The following CNTNAP2 variants were observed in gnomAD, a reference collection of about 807,000 sequenced individuals.
CNTNAP2 encodes the protein contactin-associated protein-like 2.
In CNTNAP2, 98 loss-of-function variants were observed where a neutral mutation model predicts 155.2. That is an observed-to-expected ratio of 0.63 (90% CI 0.54 to 0.75). CNTNAP2 has a LOEUF of 0.75. Among genes scored for constraint, CNTNAP2 ranks in the 30% least tolerant of loss-of-function variants. The pLI, the probability that CNTNAP2 is intolerant of heterozygous loss-of-function variation, is 0.00. For missense variants in CNTNAP2, 1,727 were observed against 1,688.1 expected, an observed-to-expected ratio of 1.02 and a Z score of -0.40; for synonymous variants, 651 against 631.2, an observed-to-expected ratio of 1.03 and a Z score of -0.47.
chr7:147,548,196 G>A (rs938664164), intron 11 of CNTNAP2, among the ~76,000 whole-genome samples: 1 of 152,154 alleles, frequency 6.6e-6, no homozygotes, highest in Admixed American at 6.5e-5. Flanking sequence ...CTTCCACAAG[G>A]GTTGAACTAA....
chr7:147,676,936 C>G (rs1485520224), intron 13 of CNTNAP2, among the ~76,000 whole-genome samples: 2 of 151,866 alleles, frequency 1.3e-5, no homozygotes, highest in Admixed American at 1.3e-4. Context: ...TAGATTGATT[C>G]CATCTCAGCT....
At chr7:146,160,710 A>G (rs988097675) in intron 1 of CNTNAP2, among the ~76,000 whole-genome samples, 3 of 152,186 alleles carry the variant, frequency 2.0e-5, no homozygotes, top group Admixed American at 6.5e-5. Flanking sequence ...GCAATAATTA[A>G]TAGCCTACCA....
intron 1 of CNTNAP2, among the ~76,000 whole-genome samples, chr7:146,280,404 T>C (rs1800232577): frequency 1.3e-5 from 2 of 152,154 alleles, no homozygotes; most frequent in Admixed American, 6.6e-5. Context: ...TCTGCCCTTT[T>C]TTCACGTCTC....
intron 13 of CNTNAP2, among the ~76,000 whole-genome samples, chr7:147,807,995 A>AAAT (rs1563096658): frequency 6.6e-6 from 1 of 152,056 alleles, no homozygotes; most frequent in Non-Finnish European, 1.5e-5. Context: ...TTAAAAAAAA[A>AAAT]AAATAAAAAG....
chr7:147,102,333 G>A lies in CNTNAP2; in HGVS notation c.551-5814G>A, dbSNP rs554698500. Reference sequence around the variant, plus strand: ...AAAGTTCCAGATCTCTGGCTTGAGTGACTGGATAATGGATATAATAAAAGT... The same window carrying A: ...AAAGTTCCAGATCTCTGGCTTGAGTAACTGGATAATGGATATAATAAAAGT... On this transcript the variant is annotated intron_variant, in intron 4 of 23. Transcript: ENST00000361727. Among the ~76,000 whole-genome samples the A allele has an allele frequency of 7.3e-5, 11 of 150,702 alleles. No homozygotes were observed. The East Asian group carries it at 1.9e-3, about 27-fold the overall frequency.
chr7:147,350,491 C>T (rs1217039675), intron 9 of CNTNAP2, among the ~76,000 whole-genome samples: 1 of 151,820 alleles, frequency 6.6e-6, no homozygotes, highest in South Asian at 2.1e-4. Flanking sequence ...AAATATTCAA[C>T]TCTCAATAAG....
intron 15 of CNTNAP2, among the ~76,000 whole-genome samples, chr7:148,034,950 T>C (rs1047558991): frequency 6.6e-6 from 1 of 152,210 alleles, no homozygotes. Flanking sequence ...TTGTTATAAA[T>C]TGGCAAAGAA....
intron 8 of CNTNAP2, among the ~76,000 whole-genome samples, chr7:147,273,950 T>C (rs766529041): frequency 1.3e-5 from 2 of 148,316 alleles, no homozygotes; most frequent in Non-Finnish European, 3.0e-5. Flanking sequence ...CTATTTTATG[T>C]AATATATTAC....
intron 23 of CNTNAP2, among the ~76,000 whole-genome samples, chr7:148,412,859 T>G (rs963556223): frequency 3.3e-5 from 5 of 152,220 alleles, no homozygotes; most frequent in African/African-American, 1.2e-4. Context: ...TTGAGAAAGT[T>G]TCTTCTACTC....
chr7:146,721,024 A>C (rs1376546588), intron 1 of CNTNAP2, among the ~76,000 whole-genome samples: 4 of 132,318 alleles, frequency 3.0e-5, no homozygotes, highest in Admixed American at 7.7e-5. Flanking sequence ...TCTATATATT[A>C]TATATACTCT....
At chr7:148,063,096 A>C (rs1803186619) in intron 15 of CNTNAP2, among the ~76,000 whole-genome samples, 1 of 152,138 alleles carries the variant, frequency 6.6e-6, no homozygotes, top group African/African-American at 2.4e-5. Flanking sequence ...TTTTTATTGA[A>C]AGATATTGTC....
chr7:146,144,870 G>A (rs377005394), intron 1 of CNTNAP2, among the ~76,000 whole-genome samples: 1 of 152,122 alleles, frequency 6.6e-6, no homozygotes, highest in Non-Finnish European at 1.5e-5. Flanking sequence ...ACAAAATAAG[G>A]TGTGACACAA....
At chr7:146,433,426 C>T (rs189689609) in intron 1 of CNTNAP2, among the ~76,000 whole-genome samples, 18 of 152,060 alleles carry the variant, frequency 1.2e-4, no homozygotes, top group Admixed American at 1.1e-3. Flanking sequence ...ACAATAAAAC[C>T]GACAGTGGGA....
At chr7:147,737,299 G>T (rs559465894) in intron 13 of CNTNAP2, among the ~76,000 whole-genome samples, 34 of 152,288 alleles carry the variant, frequency 2.2e-4, no homozygotes, top group East Asian at 3.9e-4. Context: ...TCCAGACCCT[G>T]TTTGCCTGGG....
chr7:147,988,510 T>C (rs972158633), intron 15 of CNTNAP2, among the ~76,000 whole-genome samples: 1 of 152,176 alleles, frequency 6.6e-6, no homozygotes, highest in African/African-American at 2.4e-5. Context: ...AATATATAGG[T>C]TAAATAAAAC....
At chr7:147,688,487 G>C (rs1053423521) in intron 13 of CNTNAP2, among the ~76,000 whole-genome samples, 3 of 152,102 alleles carry the variant, frequency 2.0e-5, no homozygotes, top group African/African-American at 7.2e-5. Context: ...GAGTATGACA[G>C]CTCAACTCCC....
intron 10 of CNTNAP2, among the ~76,000 whole-genome samples, chr7:147,416,376 T>C (rs1797193814): frequency 6.6e-6 from 1 of 152,174 alleles, no homozygotes; most frequent in African/African-American, 2.4e-5. Context: ...GTCAAGCCAC[T>C]GGATCAAGTC....
chr7:146,761,051 T>C (rs1443580499), intron 1 of CNTNAP2, among the ~76,000 whole-genome samples: 1 of 152,164 alleles, frequency 6.6e-6, no homozygotes, highest in Non-Finnish European at 1.5e-5. Flanking sequence ...TTATTCAGTT[T>C]GCCCTCGGCA....
At chr7:147,011,275 G>A (rs984897823) in intron 3 of CNTNAP2, among the ~76,000 whole-genome samples, 25 of 151,714 alleles carry the variant, frequency 1.6e-4, no homozygotes, top group Non-Finnish European at 2.9e-4. Context: ...TTAGCTTGAC[G>A]TGGTGACACA....
Sources: gnomAD v4.1 joint callset for allele counts (sites outside exome capture counted in the v4.1 genomes callset) on GRCh38, gnomAD v4.1.1 for gene constraint, MANE v1.5 for transcripts, NCBI Gene and HGNC (gene_info 2026-07-23, HGNC 2026-07-21) for gene names.